STK32A: variants seen among roughly 807,000 people sequenced by gnomAD.
STK32A encodes the protein serine/threonine kinase 32A.
In STK32A, 41 loss-of-function variants were observed where a neutral mutation model predicts 53.2. The observed-to-expected ratio is 0.77, with a 90% CI of 0.60 to 1.00. The LOEUF (loss-of-function observed/expected upper bound fraction) is 1.00. Among genes scored for constraint, STK32A ranks in the 50% least tolerant of loss-of-function variants. The pLI is 0.00. For synonymous variants in STK32A, 166 were observed against 162.8 expected (o/e 1.02, Z -0.15); for missense variants, 458 against 485.8 (o/e 0.94, Z 0.54).
intron 2 of STK32A, among the ~76,000 whole-genome samples, chr5:147,276,165 G>A (rs963512200): frequency 6.6e-6 from 1 of 152,044 alleles, no homozygotes; most frequent in African/African-American, 2.4e-5. Flanking sequence ...CATTGCTTTG[G>A]TTATTTCAGT....
intron 2 of STK32A, among the ~76,000 whole-genome samples, chr5:147,264,388 G>T (rs886662864): frequency 6.6e-6 from 1 of 152,216 alleles, no homozygotes; most frequent in African/African-American, 2.4e-5. Flanking sequence ...TGTGCCTGAT[G>T]CACCTGAGCA....
At chr5:147,276,776 C>T (rs1561686992) in intron 2 of STK32A, among the ~76,000 whole-genome samples, 2 of 152,078 alleles carry the variant, frequency 1.3e-5, no homozygotes, top group African/African-American at 2.4e-5. Flanking sequence ...ATGTTAAGTA[C>T]GTAAACAGCT....
chr5:147,237,448 C>T (rs1753371465), intron 1 of STK32A, among the ~76,000 whole-genome samples: 1 of 152,152 alleles, frequency 6.6e-6, no homozygotes, highest in African/African-American at 2.4e-5. Context: ...TTTGCTTCTC[C>T]CTAACTCACA....
chr5:147,266,591 T>C (rs145214299), intron 2 of STK32A, among the ~76,000 whole-genome samples: 37 of 152,334 alleles, frequency 2.4e-4, no homozygotes, highest in Non-Finnish European at 4.0e-4. Context: ...CCTACTATGA[T>C]ACGTCCAAAA....
chr5:147,253,847 G>A (rs1349968535), intron 2 of STK32A, among the ~76,000 whole-genome samples: 1 of 152,136 alleles, frequency 6.6e-6, no homozygotes, highest in East Asian at 1.9e-4. Context: ...GAAGGCAAAC[G>A]TATATCATTT....
At chr5:147,262,596 AACAAAAC>A (rs758389048) in intron 2 of STK32A, among the ~76,000 whole-genome samples, 34 of 130,912 alleles carry the variant, frequency 2.6e-4, no homozygotes, top group Non-Finnish European at 3.3e-4. Context: ...GAAAAAACAA[AACAAAAC>A]AAAAAAAAAC....
intron 2 of STK32A, among the ~76,000 whole-genome samples, chr5:147,260,225 C>G (rs1340679499): frequency 8.7e-6 from 1 of 115,604 alleles, no homozygotes; most frequent in African/African-American, 3.2e-5. Flanking sequence ...CTCTCTCTCT[C>G]TCCTCTCTGT....
chr5:147,304,378 T>C (rs1028033894), intron 4 of STK32A, among the ~76,000 whole-genome samples: 1 of 152,186 alleles, frequency 6.6e-6, no homozygotes, highest in African/African-American at 2.4e-5. Flanking sequence ...ATTGTGAAAA[T>C]CAGGAAAACT....
At chr5:147,398,729 ACCAGTG>A in the STK32A span, among the ~76,000 whole-genome samples, 1 of 152,130 alleles carries the variant, frequency 6.6e-6, no homozygotes, top group Non-Finnish European at 1.5e-5. Context: ...ACTGGCTAAG[ACCAGTG>A]CCATGTGAGA....
intron 2 of STK32A, among the ~76,000 whole-genome samples, chr5:147,258,555 C>T (rs2151945384): frequency 6.6e-6 from 1 of 152,244 alleles, no homozygotes; most frequent in East Asian, 1.9e-4. Context: ...TCACAACTTT[C>T]ACAGACAATT....
chr5:147,348,551 A>G, intron 6 of STK32A: 1 of 661,412 alleles, frequency 1.5e-6, no homozygotes, highest in Non-Finnish European at 2.8e-6. Flanking sequence ...ATTGGCTCTA[A>G]AACCTTCTCT....
chr5:147,390,793 G>C (rs1757776732), downstream of STK32A: 1 of 152,612 alleles, frequency 6.6e-6, no homozygotes, highest in African/African-American at 2.4e-5. Flanking sequence ...CAAAGAAGAA[G>C]ACTGGAGAAC....
chr5:147,259,998 CTT>C (rs199627594), intron 2 of STK32A, among the ~76,000 whole-genome samples: 9 of 145,502 alleles, frequency 6.2e-5, no homozygotes, highest in East Asian at 2.2e-4. Flanking sequence ...TCCTCTCTCT[CTT>C]TCTCTCTCCT....
intron 2 of STK32A, among the ~76,000 whole-genome samples, chr5:147,274,251 C>A (rs998842953): frequency 2.0e-5 from 3 of 152,140 alleles, no homozygotes; most frequent in African/African-American, 7.2e-5. Context: ...AGAGTTACAT[C>A]TCCTTTGCCT....
chr5:147,340,034 T>C (rs1193927614), intron 5 of STK32A, among the ~76,000 whole-genome samples: 2 of 152,206 alleles, frequency 1.3e-5, no homozygotes, highest in Non-Finnish European at 2.9e-5. Context: ...ACCATATAGG[T>C]AGCTTCCAGA....
chr5:147,348,707 C>G (rs757094758), intron 6 of STK32A: 2 of 774,052 alleles, frequency 2.6e-6, no homozygotes, highest in South Asian at 1.4e-5. Flanking sequence ...ACCTGGCTCT[C>G]CTACAAGTCC....
chr5:147,393,823 A>C, the STK32A span: 31 of 582,066 alleles, frequency 5.3e-5, no homozygotes, highest in Admixed American at 8.5e-4. Flanking sequence ...AGGGGAGTCA[A>C]ACAAATCAAG....
In STK32A at chr5:147,331,725, A is replaced by T. The variant is rs1754881730; in HGVS notation, c.434+7654A>T. 2.0e-5 allele frequency among the ~76,000 whole-genome samples: 3 copies of T among 152,172 alleles called. No individual in the cohort carries two copies. In the South Asian group the frequency reaches 6.2e-4, roughly 32 times the overall value. ...CCAGTATGACTGGTGTCCTTATGAA[A>T]AGAGGAACTTTGGACACAGAGGAAC... is the stretch of plus-strand genomic sequence containing the variant. On this transcript the variant is annotated intron_variant, in intron 5 of 12. Transcript: ENST00000397936.
chr5:147,378,589 C>G (rs1226463446), intron 11 of STK32A, among the ~76,000 whole-genome samples: 1 of 152,078 alleles, frequency 6.6e-6, no homozygotes, highest in Admixed American at 6.5e-5. Context: ...TCAGAGTCAC[C>G]TTGTTACTCT....
Sources: allele counts gnomAD v4.1 joint callset (sites outside exome capture counted in the v4.1 genomes callset), GRCh38; gene constraint gnomAD v4.1.1; transcripts MANE v1.5; gene names NCBI Gene and HGNC (gene_info 2026-07-23, HGNC 2026-07-21).